The following GET1 variants were observed in gnomAD, a reference collection of about 807,000 sequenced individuals.
GET1 encodes guided entry of tail-anchored proteins factor 1.
Under a neutral mutation model 22.6 loss-of-function variants are expected in GET1, and 20 were observed. That is an observed-to-expected ratio of 0.89 (90% confidence interval 0.62 to 1.29). GET1 has a LOEUF of 1.29. GET1 is among the 50% of genes most tolerant of loss of function. The pLI is 0.00. For missense variants in GET1, 209 were observed against 219.9 expected (o/e 0.95, Z 0.31); for synonymous variants, 92 against 83.8 (o/e 1.10, Z -0.53).
downstream of GET1, among the ~76,000 whole-genome samples, chr21:39,409,019 A>G (rs1403859103): frequency 1.3e-5 from 2 of 152,168 alleles, no homozygotes; most frequent in African/African-American, 2.4e-5. The surrounding 1 kb of genome is among the most constrained non-coding windows in gnomAD (Gnocchi z 4.2). Flanking sequence ...CAAATTTCAT[A>G]TGTTGAAGCC....
At chr21:39,396,804 C>G in intron 4 of GET1, 62 bp from the exon 5 acceptor site, 1 of 1,457,308 alleles carries the variant, frequency 6.9e-7, no homozygotes, top group Non-Finnish European at 9.6e-7. Context: ...TTAAAGACAG[C>G]AGAGACAGAT....
chr21:39,420,604 G>T, intron 1 of GET1: 52 of 848,380 alleles, frequency 6.1e-5, no homozygotes, highest in East Asian at 1.8e-4. Flanking sequence ...CCTTATATAT[G>T]TATGTAAAAT....
intron 1 of GET1, among the ~76,000 whole-genome samples, chr21:39,425,044 G>A (rs1016841664): frequency 2.6e-5 from 4 of 152,204 alleles, no homozygotes; most frequent in African/African-American, 4.8e-5. Flanking sequence ...AGGATATAGA[G>A]GTATATGTAT....
chr21:39,427,197 T>C (rs1048618192), intron 1 of GET1, among the ~76,000 whole-genome samples: 7 of 152,074 alleles, frequency 4.6e-5, no homozygotes, highest in Admixed American at 2.6e-4. Flanking sequence ...ATGGTCAACA[T>C]GGACAAGAGC....
At chr21:39,384,212 C>G (rs897134850) in intron 1 of GET1, among the ~76,000 whole-genome samples, 3 of 151,796 alleles carry the variant, frequency 2.0e-5, no homozygotes, top group Admixed American at 6.6e-5. Flanking sequence ...TTTTAAAATC[C>G]AGTTGTTTTT....
At chr21:39,414,742 CTG>C (rs66478742) in intron 1 of GET1, among the ~76,000 whole-genome samples, 7,154 of 99,092 alleles carry the variant, frequency 0.072, 265 homozygotes, top group East Asian at 0.12. Context: ...CTCTCTCTCT[CTG>C]TGTGTGTGTG....
chr21:39,402,172 C>T (rs917712651), downstream of GET1, among the ~76,000 whole-genome samples: 4 of 152,078 alleles, frequency 2.6e-5, no homozygotes, highest in South Asian at 2.1e-4. Flanking sequence ...GGCATGATCT[C>T]GGCTCACAGC....
chr21:39,392,268 G>A (rs2038351239), intron 3 of GET1, among the ~76,000 whole-genome samples: 1 of 152,174 alleles, frequency 6.6e-6, no homozygotes, highest in South Asian at 2.1e-4. Flanking sequence ...GACTGGAATT[G>A]GCTTCTAGCC....
At chr21:39,420,624 C>A in intron 1 of GET1, 3 of 1,156,428 alleles carry the variant, frequency 2.6e-6, no homozygotes, top group African/African-American at 1.6e-5. Flanking sequence ...TAAAAAATCA[C>A]TTAAAGATAT....
intron 1 of GET1, among the ~76,000 whole-genome samples, chr21:39,383,803 CA>C (rs1458495794): frequency 6.6e-6 from 1 of 151,836 alleles, no homozygotes; most frequent in Admixed American, 6.6e-5. Flanking sequence ...TGCAGTGGCT[CA>C]ATCTTGGCTC....
intron 1 of GET1, among the ~76,000 whole-genome samples, chr21:39,415,759 C>T (rs1168815365): frequency 6.6e-6 from 1 of 152,198 alleles, no homozygotes; most frequent in Admixed American, 6.5e-5. Context: ...GATTCTCACT[C>T]TCACCTCTTA....
chr21:39,418,929 G>A (rs574509663), intron 1 of GET1, among the ~76,000 whole-genome samples: 2 of 152,260 alleles, frequency 1.3e-5, no homozygotes, highest in South Asian at 4.1e-4. Flanking sequence ...AGGGGATCTT[G>A]AAGTCTCTTC....
chr21:39,382,694 A>G (rs1260031574), intron 1 of GET1, among the ~76,000 whole-genome samples: 1 of 152,156 alleles, frequency 6.6e-6, no homozygotes, highest in African/African-American at 2.4e-5. Context: ...CTACCTTTTG[A>G]CTATTGTAGA....
intron 4 of GET1, among the ~76,000 whole-genome samples, chr21:39,393,571 G>A (rs575142155): frequency 3.9e-5 from 6 of 152,284 alleles, no homozygotes; most frequent in South Asian, 4.1e-4. Context: ...AACACTAGCC[G>A]TAGTTCCAAA....
intron 1 of GET1, among the ~76,000 whole-genome samples, chr21:39,381,245 G>C (rs537998654): frequency 2.3e-4 from 35 of 152,212 alleles, no homozygotes; most frequent in African/African-American, 7.9e-4. Flanking sequence ...CATGGAAGGC[G>C]GGGGTACCTT....
At chr21:39,404,984 AC>A (rs2038967171) in intron 4 of GET1, among the ~76,000 whole-genome samples, 2 of 151,576 alleles carry the variant, frequency 1.3e-5, no homozygotes, top group South Asian at 4.2e-4. Context: ...GGCATGTGCC[AC>A]CACACCCAGC....
downstream of GET1, among the ~76,000 whole-genome samples, chr21:39,398,091 T>G (rs1258256314): frequency 3.9e-5 from 6 of 152,310 alleles, no homozygotes; most frequent in East Asian, 7.7e-4. Flanking sequence ...CCAAGTTTAC[T>G]TAGCTTTAAG....
At chr21:39,392,363 A>T (rs1384971724) in intron 3 of GET1, among the ~76,000 whole-genome samples, 1 of 152,100 alleles carries the variant, frequency 6.6e-6, no homozygotes, top group East Asian at 1.9e-4. Context: ...TGCTGCCCAG[A>T]CACCTTTAGC....
intron 1 of GET1, chr21:39,422,821 G>A: frequency 2.8e-6 from 2 of 702,110 alleles, no homozygotes; most frequent in Non-Finnish European, 4.8e-6. Flanking sequence ...CTCCCTTTCT[G>A]TGCCCTCTAT....
Sources: gnomAD v4.1 joint callset for allele counts (sites outside exome capture counted in the v4.1 genomes callset) on GRCh38, gnomAD v4.1.1 for gene constraint, Gnocchi (gnomAD v3.1) non-coding constraint, MANE v1.5 for transcripts, NCBI Gene and HGNC (gene_info 2026-07-23, HGNC 2026-07-21) for gene names.